The following STXBP5L variants were observed in gnomAD, a reference collection of about 807,000 sequenced individuals.
The protein encoded by STXBP5L is syntaxin binding protein 5L, also known as syntaxin-binding protein 5-like.
STXBP5L carries 65 observed loss-of-function variants against 144.5 expected under a neutral mutation model. The ratio of observed to expected loss-of-function variants is 0.45; its 90% CI spans 0.37 to 0.55. The LOEUF (loss-of-function observed/expected upper bound fraction) is 0.55, where lower values mean the gene tolerates loss of function less well. Among genes scored for constraint, STXBP5L ranks in the 20% least tolerant of loss-of-function variants. STXBP5L has a pLI of 0.00. For missense variants in STXBP5L, 1,298 were observed against 1,405.5 expected, an observed-to-expected ratio of 0.92 and a Z score of 1.22; for synonymous variants, 505 against 469.6, an observed-to-expected ratio of 1.08 and a Z score of -0.97.
chr3:121,037,713 G>A (rs1480792163), intron 3 of STXBP5L, among the ~76,000 whole-genome samples: 1 of 151,924 alleles, frequency 6.6e-6, no homozygotes, highest in Non-Finnish European at 1.5e-5. Context: ...CAATTTTTCT[G>A]CAGGAATTTT....
At chr3:121,409,922 G>C (rs1487802698) in intron 23 of STXBP5L, among the ~76,000 whole-genome samples, 1 of 151,006 alleles carries the variant, frequency 6.6e-6, no homozygotes, top group Non-Finnish European at 1.5e-5. Context: ...CAGGAAAGTC[G>C]CTTAAGAGTG....
chr3:121,293,976 A>G (rs1461196919), intron 19 of STXBP5L, among the ~76,000 whole-genome samples: 1 of 152,262 alleles, frequency 6.6e-6, no homozygotes, highest in African/African-American at 2.4e-5. Context: ...GAAGAGAAAA[A>G]GTGAGTGAAG....
chr3:121,134,611 T>G (rs1462359688), intron 7 of STXBP5L, among the ~76,000 whole-genome samples: 1 of 151,962 alleles, frequency 6.6e-6, no homozygotes, highest in East Asian at 1.9e-4. Context: ...TGTGTCCAAG[T>G]GTTCTCATTG....
chr3:121,091,041 T>C (rs1191280939), intron 5 of STXBP5L, among the ~76,000 whole-genome samples: 1 of 150,768 alleles, frequency 6.6e-6, no homozygotes, highest in Non-Finnish European at 1.5e-5. Context: ...TGGTTTTTTG[T>C]TCTTGTGATA....
At chr3:121,231,479 G>T (rs1451461995) in intron 11 of STXBP5L, among the ~76,000 whole-genome samples, 1 of 152,212 alleles carries the variant, frequency 6.6e-6, no homozygotes, top group Non-Finnish European at 1.5e-5. Flanking sequence ...TAATGTCAGT[G>T]TATTGCCTGA....
At position 121,331,034 on chromosome 3, in the gene STXBP5L, G is replaced by T. The variant is rs1231217619; in HGVS notation, c.2176+12494G>T. Among the ~76,000 whole-genome samples, 3 of 152,166 alleles carry T rather than the reference G, an allele frequency of 2.0e-5. No individual in the cohort carries two copies. The South Asian group carries it at 6.2e-4, about 31-fold the overall frequency. ...CATCCTGAAGCGTGGCAGCCCCACA[G>T]GGCAGCTAGACCCAGAAGAGCAGCA... On this transcript the variant is annotated intron_variant, in intron 20 of 26. Transcript: ENST00000471454.
At chr3:121,242,530 C>T (rs1287937730) in intron 14 of STXBP5L, among the ~76,000 whole-genome samples, 1 of 152,024 alleles carries the variant, frequency 6.6e-6, no homozygotes, top group East Asian at 1.9e-4. Context: ...CTTAAAAACA[C>T]TACTGACACG....
chr3:121,167,354 G>A (rs2108043211), intron 9 of STXBP5L, among the ~76,000 whole-genome samples: 1 of 152,226 alleles, frequency 6.6e-6, no homozygotes, highest in East Asian at 1.9e-4. Flanking sequence ...CTCATATAAA[G>A]ATGGTATAAA....
At chr3:121,064,086 A>G (rs2041423164) in intron 5 of STXBP5L, among the ~76,000 whole-genome samples, 1 of 152,108 alleles carries the variant, frequency 6.6e-6, no homozygotes, top group Non-Finnish European at 1.5e-5. Flanking sequence ...TGGCTGCCAT[A>G]TTTTGCACTT....
intron 2 of STXBP5L, among the ~76,000 whole-genome samples, chr3:120,911,839 A>G (rs1708856849): frequency 1.3e-5 from 2 of 152,064 alleles, no homozygotes; most frequent in East Asian, 1.9e-4. Context: ...TACCTGGTCT[A>G]TAACAAAACA....
Position 120,944,441 on chromosome 3 carries a change from A to G in STXBP5L, c.190-10499A>G, listed in dbSNP as rs564452967. Among the ~76,000 whole-genome samples the G allele has an allele frequency of 1.3e-4, 20 of 151,934 alleles. No individual in the cohort carries two copies. In the South Asian group the frequency reaches 2.3e-3, roughly 17 times the overall value. On this transcript the variant is annotated intron_variant, in intron 2 of 26. Transcript: ENST00000471454. ...GCATGAGAAGAGAAAAAAGTTAGATATAAAATTTCAAAAAATAAGTTAATG... is the reference window on the plus strand; with the variant it reads ...GCATGAGAAGAGAAAAAAGTTAGATGTAAAATTTCAAAAAATAAGTTAATG...
chr3:121,178,138 G>A (rs1486633655), intron 9 of STXBP5L, among the ~76,000 whole-genome samples: 2 of 152,096 alleles, frequency 1.3e-5, no homozygotes, highest in Non-Finnish European at 2.9e-5. Context: ...GGGATATAAA[G>A]AGTTATTGTT....
chr3:121,265,090 T>A lies in STXBP5L; in HGVS notation c.1958+5922T>A, dbSNP rs528917486. ...CAAGACAGAAAATTAATAAGGATAT[T>A]CTGGACTTGAACTCAGCTCTGGAAC... On this transcript the variant is annotated intron_variant, in intron 18 of 26. Coordinates refer to ENST00000471454, the MANE Select transcript of STXBP5L (RefSeq NM_001308330.2). Among the ~76,000 whole-genome samples, 362 of 152,172 alleles carry A rather than the reference T, an allele frequency of 2.4e-3. 4 individuals are homozygous for A. The Middle Eastern group carries it at 0.031, about 13-fold the overall frequency.
At chr3:121,346,983 T>C (rs571280976) in intron 20 of STXBP5L, among the ~76,000 whole-genome samples, 2 of 152,238 alleles carry the variant, frequency 1.3e-5, no homozygotes, top group Non-Finnish European at 2.9e-5. Flanking sequence ...AATTTTGGCT[T>C]CTGTTGCCAT....
rs541082801 is a variant in STXBP5L, at chr3:121,181,759, AAAAC to A, written c.877+24148_878-24145del. ...TCTCAAAGAAAACAAAAAACAAACA[AAAAC>A]AAACAAACAAACAAAAAACAACCAA... On this transcript the variant is annotated intron_variant, in intron 9 of 26. Transcript: ENST00000471454. 8.6e-4 allele frequency among the ~76,000 whole-genome samples: 131 copies of A among 152,186 alleles called. 1 individual carries two copies. The East Asian group carries it at 0.013, about 15-fold the overall frequency.
At chr3:121,266,278 C>T (rs2050562829) in intron 18 of STXBP5L, among the ~76,000 whole-genome samples, 1 of 152,180 alleles carries the variant, frequency 6.6e-6, no homozygotes, top group Non-Finnish European at 1.5e-5. Flanking sequence ...AGCTTATCCA[C>T]CACGATCAAG....
rs562882833 is a variant in STXBP5L, at chr3:120,956,367, G to T, written c.287+1330G>T. On this transcript the variant is annotated intron_variant, in intron 3 of 26. Coordinates refer to ENST00000471454, the MANE Select transcript of STXBP5L (RefSeq NM_001308330.2). ...TCTAGCCCCTGGAAACCACCATTCT[G>T]CTTTCTGTTTCTATAATTTTTACTA... Among the ~76,000 whole-genome samples, 12 of 151,768 alleles carry T rather than the reference G, an allele frequency of 7.9e-5. No homozygotes were observed. The South Asian group carries it at 2.3e-3, about 29-fold the overall frequency.
Position 121,157,592 on chromosome 3 carries a change from G to A in STXBP5L, c.842G>A (p.Ser281Asn). 5 of 1,604,432 alleles carry A rather than the reference G, an allele frequency of 3.1e-6. No individual in the cohort carries two copies. The highest frequency in any genetic ancestry group is 1.1e-5 in the South Asian group (1 of 89,306). ...AGTTTGACTTTATGGAACCTGAAAA[G>A]CCCAAGTCGCCCTTTCCAGACCACA... ...DGSLTLWNLKSPSRPFQTTIP... is the reference protein window; with the variant it reads ...DGSLTLWNLKNPSRPFQTTIP... The change falls in exon 9 of 27, where the codon AGC becomes AAC. Residue 281 changes from serine to asparagine, a missense_variant. Transcript: ENST00000471454.
intron 2 of STXBP5L, among the ~76,000 whole-genome samples, chr3:120,929,659 ATAGT>A (rs1462387777): frequency 4.6e-5 from 7 of 152,164 alleles, no homozygotes; most frequent in Non-Finnish European, 8.8e-5. Flanking sequence ...TAGTTGTAAA[ATAGT>A]TAGGTTATAA....
Sources: gnomAD v4.1 joint callset for allele counts (sites outside exome capture counted in the v4.1 genomes callset) on GRCh38, gnomAD v4.1.1 for gene constraint, MANE v1.5 for transcripts, NCBI Gene and HGNC (gene_info 2026-07-23, HGNC 2026-07-21) for gene names.